RACGAP1: variants seen among roughly 807,000 people sequenced by gnomAD.
RACGAP1 encodes Rac GTPase activating protein 1.
In RACGAP1, 30 loss-of-function variants were observed where a neutral mutation model predicts 78.1. The observed-to-expected ratio is 0.38, with a 90% CI of 0.29 to 0.52. RACGAP1 has a LOEUF of 0.52. Among genes scored for constraint, RACGAP1 ranks in the 20% least tolerant of loss-of-function variants. RACGAP1 has a pLI of 0.82. For missense variants in RACGAP1, 587 were observed against 777.1 expected (o/e 0.76, Z 2.91); for synonymous variants, 231 against 264.8 (o/e 0.87, Z 1.24).
At position 49,999,408 on chromosome 12, in the gene RACGAP1, A is replaced by T. The variant is rs1468529059; in HGVS notation, c.749-137T>A. 9.0e-6 allele frequency: 11 copies of T among 1,226,518 alleles called. 1 individual carries two copies. In the South Asian group the frequency reaches 1.7e-4, roughly 19 times the overall value. 76.0% of individuals were successfully genotyped at this position (1,226,518 alleles called of 1,614,324 possible). On this transcript the variant is annotated intron_variant, in intron 8 of 16. Coordinates refer to ENST00000312377, the MANE Select transcript of RACGAP1 (RefSeq NM_001319999.2). ...TGAGAACTAATGGCTATGTAAAAAA[A>T]CAGTTTCAAGAAAAACTAAAGTTAT...
chr12:49,990,383 A>C, intron 16 of RACGAP1, 40 bp from the exon 17 acceptor site: 1 of 1,532,558 alleles, frequency 6.5e-7, no homozygotes, highest in East Asian at 2.3e-5. Flanking sequence ...ATATTCTATA[A>C]AAAATGGTTG....
chr12:50,025,535 C>G, upstream of RACGAP1: 1 of 985,496 alleles, frequency 1.0e-6, no homozygotes, highest in African/African-American at 1.7e-5. Context: ...CCTCCCGCGC[C>G]GTCCCTCTAC....
At chr12:49,993,154 A>G (rs1163471518) in intron 12 of RACGAP1, among the ~76,000 whole-genome samples, 2 of 152,232 alleles carry the variant, frequency 1.3e-5, no homozygotes, top group Non-Finnish European at 2.9e-5. Flanking sequence ...CTGTTAATCT[A>G]GACAAGGTTG....
At position 50,001,216 on chromosome 12, in the gene RACGAP1, CA is replaced by C. The variant is rs941916173; in HGVS notation, c.585del (p.Gly196AspfsTer3). The C allele has an allele frequency of 1.2e-6, 2 of 1,612,248 alleles. No individual in the cohort carries two copies. The highest frequency in any genetic ancestry group is 8.5e-7 in the Non-Finnish European group (1 of 1,178,404). Reference sequence around the variant, plus strand: ...ATGGAACGAGTTTTCTTTACAGGTCCAGGGGGACCATCAACAAACTGTCGGC... The same window carrying C: ...ATGGAACGAGTTTTCTTTACAGGTCCGGGGGACCATCAACAAACTGTCGGC... Reference protein sequence around the residue: ...STSRQFVDGPPGPVKKTRSIG... With the variant: ...STSRQFVDGPXGPVKKTRSIG... On this transcript the variant is annotated frameshift_variant, in exon 7 of 17. Transcript: ENST00000312377. LOFTEE classifies it high-confidence loss of function.
intron 3 of RACGAP1, 40 bp from the exon 4 acceptor site, chr12:50,005,432 G>GA: frequency 6.2e-7 from 1 of 1,607,786 alleles, no homozygotes; most frequent in South Asian, 1.1e-5. Context: ...AACTAGCCAG[G>GA]GGAGAAAGCT....
chr12:50,002,844 A>G (rs137949814), intron 5 of RACGAP1, among the ~76,000 whole-genome samples: 90 of 152,060 alleles, frequency 5.9e-4, no homozygotes, highest in African/African-American at 2.0e-3. Flanking sequence ...ACACGGTGAA[A>G]CCCCGTCTCT....
intron 7 of RACGAP1, among the ~76,000 whole-genome samples, chr12:50,000,405 T>C (rs965391626): frequency 6.6e-6 from 1 of 151,998 alleles, no homozygotes; most frequent in African/African-American, 2.4e-5. Flanking sequence ...TCCACCTGCC[T>C]AGGCCTCCCA....
chr12:50,017,502 A>G (rs1949745681), intron 1 of RACGAP1, among the ~76,000 whole-genome samples: 2 of 152,240 alleles, frequency 1.3e-5, no homozygotes, highest in African/African-American at 4.8e-5. Flanking sequence ...TACTATAGAA[A>G]AAACAGTGTC....
chr12:49,992,121 G>A lies in RACGAP1; in HGVS notation c.1591C>T (p.Leu531=). 1 of 1,613,828 alleles carries A rather than the reference G, an allele frequency of 6.2e-7. No individual in the cohort carries two copies. Among genetic ancestry groups the A allele is most frequent in the Non-Finnish European group, 8.5e-7 (1 of 1,179,948 alleles). ...CAATACTCCAGAGGCAAGGAAAGCA[G>A]GCGCTCAACCACCTAAAAGCCAGCA... The part of the protein sequence containing the change: ...IKRQPKVVER[L]LSLPLEYWSQ... The change falls in exon 15 of 17, where the codon CTG becomes TTG. Residue 531 remains leucine, a synonymous_variant. Transcript: ENST00000312377.
At chr12:49,991,474 TA>T (rs1565654009) in intron 15 of RACGAP1, among the ~76,000 whole-genome samples, 86 of 33,974 alleles carry the variant, frequency 2.5e-3, no homozygotes, top group African/African-American at 5.4e-3. Flanking sequence ...TATATATATA[TA>T]TATATTTTTT....
At chr12:50,023,881 G>A in intron 1 of RACGAP1, among the ~76,000 whole-genome samples, 1 of 152,316 alleles carries the variant, frequency 6.6e-6, no homozygotes, top group Non-Finnish European at 1.5e-5. Flanking sequence ...CAGTATATCG[G>A]CCGGGCGTGG....
chr12:50,004,237 G>A lies in RACGAP1; in HGVS notation c.493C>T (p.Leu165=), dbSNP rs777098650. ...CTCAGAGATCAAATGTTTATTACCAGTGATTCATCAGTCTTGTCAAAGCTG... is the reference window on the plus strand; with the variant it reads ...CTCAGAGATCAAATGTTTATTACCAATGATTCATCAGTCTTGTCAAAGCTG... The part of the protein sequence containing the change: ...DISFDKTDES[L]DWDSSLVKTF... Residue 165 remains leucine, a splice_region_variant and synonymous_variant, in exon 5 of 17, where the codon CTG becomes TTG. Coordinates refer to ENST00000312377, the MANE Select transcript of RACGAP1 (RefSeq NM_001319999.2). The A allele has an allele frequency of 6.2e-7, 1 of 1,603,610 alleles. No homozygotes were observed. Among genetic ancestry groups the A allele is most frequent in the South Asian group, 1.1e-5 (1 of 90,554 alleles).
chr12:50,023,626 C>T (rs998597510), intron 1 of RACGAP1, among the ~76,000 whole-genome samples: 9 of 151,864 alleles, frequency 5.9e-5, no homozygotes, highest in African/African-American at 1.9e-4. Flanking sequence ...CCAGCTACTC[C>T]GGAGGCTGAG....
intron 2 of RACGAP1, among the ~76,000 whole-genome samples, chr12:50,014,231 A>C (rs1192661972): frequency 6.6e-6 from 1 of 152,254 alleles, no homozygotes; most frequent in East Asian, 1.9e-4. Context: ...ATTAGGTATT[A>C]ATGAAAATCT....
At chr12:50,012,862 A>T (rs1305863579) in intron 2 of RACGAP1, among the ~76,000 whole-genome samples, 1 of 150,820 alleles carries the variant, frequency 6.6e-6, no homozygotes, top group East Asian at 1.9e-4. Flanking sequence ...TCGGGAGTTC[A>T]AGACCAGCCT....
At chr12:49,999,803 G>A in intron 7 of RACGAP1, 70 bp from the exon 8 acceptor site, 5 of 1,251,790 alleles carry the variant, frequency 4.0e-6, no homozygotes, top group Non-Finnish European at 5.8e-6. Context: ...AGGGTATTTT[G>A]GAGCAGGTAA....
chr12:50,009,186 T>C (rs370224825), intron 2 of RACGAP1, among the ~76,000 whole-genome samples: 1 of 141,012 alleles, frequency 7.1e-6, no homozygotes, highest in East Asian at 2.0e-4. Context: ...GAAGTCGCAG[T>C]GAGCTGAGAT....
chr12:50,016,290 A>C (rs540763235), intron 2 of RACGAP1, among the ~76,000 whole-genome samples: 1 of 152,094 alleles, frequency 6.6e-6, no homozygotes, highest in Non-Finnish European at 1.5e-5. Flanking sequence ...GGCTGAGACA[A>C]GGAATCGCTT....
At chr12:49,990,885 T>A in intron 15 of RACGAP1, 93 bp from the exon 16 acceptor site, 1 of 909,128 alleles carries the variant, frequency 1.1e-6, no homozygotes, top group African/African-American at 1.7e-5. Context: ...TCTGAAGCAC[T>A]TAAGAGCTAA....
Sources: gnomAD v4.1 joint callset for allele counts (sites outside exome capture counted in the v4.1 genomes callset) on GRCh38, gnomAD v4.1.1 for gene constraint, MANE v1.5 for transcripts, NCBI Gene and HGNC (gene_info 2026-07-23, HGNC 2026-07-21) for gene names.